The following TMC1 variants were observed in gnomAD, a reference collection of about 807,000 sequenced individuals.
The protein encoded by TMC1 is transmembrane channel like 1.
Under a neutral mutation model 105.8 loss-of-function variants are expected in TMC1, and 84 were observed. The observed-to-expected ratio is 0.79, with a 90% CI of 0.67 to 0.95. The LOEUF is 0.95. Ranked by LOEUF, TMC1 falls within the 40% of genes least tolerant of loss-of-function variation. TMC1 has a pLI of 0.00. For synonymous variants in TMC1, 315 were observed against 311.5 expected (o/e 1.01, Z -0.12); for missense variants, 817 against 914.1 (o/e 0.89, Z 1.37).
At chr9:72,797,250 C>T (rs1283039182) in intron 17 of TMC1, among the ~76,000 whole-genome samples, 1 of 152,156 alleles carries the variant, frequency 6.6e-6, no homozygotes, top group Admixed American at 6.5e-5. Context: ...ATTCAATGCT[C>T]ATACATGGGA....
intron 15 of TMC1, 90 bp downstream of exon 15, chr9:72,789,407 C>A (rs1332415200): frequency 8.0e-7 from 1 of 1,251,484 alleles, no homozygotes; most frequent in African/African-American, 1.5e-5. Flanking sequence ...TTAAAAAGGC[C>A]ACCCTTTACC....
Position 72,544,807 on chromosome 9 carries a change from A to G in TMC1, c.-428+22894A>G, listed in dbSNP as rs531756485. Among the ~76,000 whole-genome samples, 1,172 of 139,096 alleles carry G rather than the reference A, an allele frequency of 8.4e-3. 7 individuals carry two copies. Among genetic ancestry groups the G allele is most frequent in the South Asian group, 0.019 (87 of 4,552 alleles). 91.3% of individuals were successfully genotyped at this position (139,096 alleles called of 152,430 possible). On this transcript the variant is annotated intron_variant, in intron 1 of 23. Coordinates refer to ENST00000297784, the MANE Select transcript of TMC1 (RefSeq NM_138691.3). The stretch of plus-strand genomic sequence containing the variant: ...TTTACCTTTTTTTTTTTTAATTTCA[A>G]TAGGTTTTTGGGGAACAGGTAGTTT...
chr9:72,646,915 G>A (rs368004969), intron 4 of TMC1, among the ~76,000 whole-genome samples: 1 of 152,000 alleles, frequency 6.6e-6, no homozygotes. Flanking sequence ...GCTGAGGTGG[G>A]TGGATTACCT....
chr9:72,766,069 A>G (rs1010868908), intron 12 of TMC1, among the ~76,000 whole-genome samples: 2 of 152,182 alleles, frequency 1.3e-5, no homozygotes, highest in Admixed American at 6.5e-5. Context: ...CAGCAGTATT[A>G]ATACCTAGCT....
intron 2 of TMC1, among the ~76,000 whole-genome samples, chr9:72,600,797 T>A (rs764469286): frequency 6.6e-6 from 1 of 152,182 alleles, no homozygotes; most frequent in Non-Finnish European, 1.5e-5. Context: ...GTTCTCAAAC[T>A]TCGTTCAGTG....
At chr9:72,742,151 T>C (rs1827398266) in intron 9 of TMC1, among the ~76,000 whole-genome samples, 1 of 152,346 alleles carries the variant, frequency 6.6e-6, no homozygotes, top group South Asian at 2.1e-4. Flanking sequence ...TATGTGCTAA[T>C]CCCCTGCTTT....
chr9:72,619,752 AC>A (rs1462461527), intron 3 of TMC1, among the ~76,000 whole-genome samples: 1 of 151,866 alleles, frequency 6.6e-6, no homozygotes, highest in African/African-American at 2.4e-5. Flanking sequence ...CAATGCTTGT[AC>A]CTGTGTTTAG....
chr9:72,602,477 C>T (rs1049920576), intron 2 of TMC1, among the ~76,000 whole-genome samples: 7 of 149,106 alleles, frequency 4.7e-5, no homozygotes, highest in South Asian at 2.1e-4. Context: ...CAGGTTCAAG[C>T]GATTCTCCTG....
At chr9:72,779,031 C>A (rs1368011631) in intron 13 of TMC1, among the ~76,000 whole-genome samples, 1 of 152,206 alleles carries the variant, frequency 6.6e-6, no homozygotes, top group African/African-American at 2.4e-5. Flanking sequence ...CTGTTGCCAG[C>A]AACCCTCATG....
Position 72,836,001 on chromosome 9 carries a change from A to C in TMC1, c.*28A>C, listed in dbSNP as rs151157872. On this transcript the variant is annotated 3_prime_UTR_variant, in exon 24 of 24. Coordinates refer to ENST00000297784, the MANE Select transcript of TMC1 (RefSeq NM_138691.3). The stretch of plus-strand genomic sequence containing the variant: ...AGTATCCTGAGAGCCCAGAAAAGGT[A>C]CACTTTGCCTTGCTGTTTAAAAGTA... The C allele has an allele frequency of 1.3e-3, 2,163 of 1,603,466 alleles. 33 individuals are homozygous for C. In the African/African-American group the frequency reaches 0.026, roughly 19 times the overall value.
At chr9:72,635,304 TA>T (rs1299001465) in intron 4 of TMC1, among the ~76,000 whole-genome samples, 1 of 152,078 alleles carries the variant, frequency 6.6e-6, no homozygotes, top group Non-Finnish European at 1.5e-5. Context: ...TTCAGATTTT[TA>T]TGAGGGCTTC....
chr9:72,729,576 T>C (rs1179336725), intron 8 of TMC1, among the ~76,000 whole-genome samples: 2 of 152,140 alleles, frequency 1.3e-5, no homozygotes, highest in Non-Finnish European at 2.9e-5. Context: ...ATATATAATA[T>C]AGTAGCTTTT....
chr9:72,666,120 A>G (rs527890265), intron 5 of TMC1, among the ~76,000 whole-genome samples: 1 of 152,370 alleles, frequency 6.6e-6, no homozygotes, highest in South Asian at 2.1e-4. Flanking sequence ...AGTTAGATTT[A>G]AAACATACTT....
At chr9:72,535,272 G>A (rs1463324576) in intron 1 of TMC1, among the ~76,000 whole-genome samples, 1 of 152,174 alleles carries the variant, frequency 6.6e-6, no homozygotes, top group Non-Finnish European at 1.5e-5. Context: ...TAGGATTGCA[G>A]GAGGAAACTC....
intron 2 of TMC1, among the ~76,000 whole-genome samples, chr9:72,601,361 TG>T (rs1184446320): frequency 6.6e-6 from 1 of 150,526 alleles, no homozygotes; most frequent in Non-Finnish European, 1.5e-5. Flanking sequence ...TTTGAAAAAT[TG>T]GCCAGGTGCG....
At chr9:72,678,929 A>C (rs903436647) in intron 5 of TMC1, among the ~76,000 whole-genome samples, 6 of 152,098 alleles carry the variant, frequency 3.9e-5, no homozygotes, top group Non-Finnish European at 8.8e-5. Flanking sequence ...TATGCCAAGC[A>C]AGTATGTTAT....
intron 1 of TMC1, among the ~76,000 whole-genome samples, chr9:72,522,262 C>T (rs1267842733): frequency 6.6e-6 from 1 of 151,936 alleles, no homozygotes; most frequent in East Asian, 1.9e-4. Context: ...CCATCACGCC[C>T]GGCTAATTTT....
intron 2 of TMC1, among the ~76,000 whole-genome samples, chr9:72,595,312 C>T (rs539566902): frequency 6.6e-6 from 1 of 152,310 alleles, no homozygotes; most frequent in African/African-American, 2.4e-5. Flanking sequence ...TAGACCCCGA[C>T]CAGCCTACAT....
intron 23 of TMC1, among the ~76,000 whole-genome samples, 194 bp from the exon 24 acceptor site, chr9:72,835,757 A>G (rs1188702818): frequency 6.7e-6 from 1 of 149,252 alleles, no homozygotes; most frequent in Non-Finnish European, 1.5e-5. Flanking sequence ...CAAACTAAGA[A>G]ACATGGAAAT....
Sources: gnomAD v4.1 joint callset for allele counts (sites outside exome capture counted in the v4.1 genomes callset) on GRCh38, gnomAD v4.1.1 for gene constraint, MANE v1.5 for transcripts, NCBI Gene and HGNC (gene_info 2026-07-23, HGNC 2026-07-21) for gene names.